Variants in TRDN observed in about 807,000 individuals in gnomAD.
TRDN encodes triadin in skeletal muscle.
A neutral mutation model predicts 149.7 loss-of-function variants in TRDN; 161 were observed. The ratio of observed to expected loss-of-function variants is 1.08; its 90% CI spans 0.95 to 1.23. The LOEUF is 1.23. TRDN is among the 50% of genes most tolerant of loss of function. TRDN has a pLI of 0.00. For synonymous variants in TRDN, 294 were observed against 250.5 expected (o/e 1.17, Z -1.64); for missense variants, 896 against 823.5 (o/e 1.09, Z -1.08).
chr6:123,304,924 A>C (rs1036760299), intron 24 of TRDN, among the ~76,000 whole-genome samples: 2 of 152,180 alleles, frequency 1.3e-5, no homozygotes, highest in African/African-American at 2.4e-5. Context: ...TTTCTTAAGC[A>C]ATTTGGTAAA....
chr6:123,352,697 T>A, intron 20 of TRDN, 111 bp from the exon 21 acceptor site: 1 of 1,379,368 alleles, frequency 7.2e-7, no homozygotes, highest in Non-Finnish European at 9.6e-7. Context: ...TTACACAAGT[T>A]ATTTTGAAGC....
In TRDN at chr6:123,216,757, CTA is replaced by C. The variant is rs1387187104; in HGVS notation, c.*1842_*1843del. The C allele has an allele frequency of 6.6e-6, 1 of 151,832 alleles. No individual in the cohort carries two copies. Among genetic ancestry groups the C allele is most frequent in the Non-Finnish European group, 1.5e-5 (1 of 67,920 alleles). The allele number at this position is 151,832 out of a possible 1,614,324, so 9.4% of individuals were successfully genotyped here. A position where few individuals can be genotyped will look rare whatever the true frequency, so the allele number is the denominator to read the frequency against. Reference sequence around the variant, plus strand: ...TTAGTAAATTTTTCAAGGTCATTCACTATGTCAGAATAGCGCTGGGAATCTAA... The same window carrying C: ...TTAGTAAATTTTTCAAGGTCATTCACTGTCAGAATAGCGCTGGGAATCTAA... On this transcript the variant is annotated 3_prime_UTR_variant, in exon 41 of 41. Transcript: ENST00000334268.
rs113807467 is a variant in TRDN, at chr6:123,456,959, T to A, written c.931+7947A>T. The A allele has an allele frequency of 2.1e-3, 856 of 407,800 alleles. 3 individuals are homozygous for A. The highest frequency in any genetic ancestry group is 0.015 in the African/African-American group (719 of 48,422). The allele number at this position is 407,800 out of a possible 1,614,324, so 25.3% of individuals were successfully genotyped here. On this transcript the variant is annotated intron_variant, in intron 10 of 40. Coordinates refer to ENST00000334268, the MANE Select transcript of TRDN (RefSeq NM_006073.4). ...CAAACAAATGTTTTATAAGGAAAAATTGGTACTTGTAAGCAAGAGCATTGG... is the reference window on the plus strand; with the variant it reads ...CAAACAAATGTTTTATAAGGAAAAAATGGTACTTGTAAGCAAGAGCATTGG...
At chr6:123,465,559 CT>C (rs1311368514) in intron 9 of TRDN, among the ~76,000 whole-genome samples, 2 of 131,464 alleles carry the variant, frequency 1.5e-5, no homozygotes, top group Non-Finnish European at 3.1e-5. Context: ...TCTCAAGTCT[CT>C]GTCTGAGCTT....
intron 1 of TRDN, among the ~76,000 whole-genome samples, chr6:123,620,404 G>T (rs1476399019): frequency 1.3e-5 from 2 of 152,074 alleles, no homozygotes; most frequent in African/African-American, 2.4e-5. Flanking sequence ...TCTGATCTGG[G>T]AGAATAAAAC....
intron 9 of TRDN, among the ~76,000 whole-genome samples, chr6:123,475,684 G>T (rs1175652070): frequency 6.3e-5 from 7 of 111,656 alleles, no homozygotes; most frequent in South Asian, 3.7e-4. Context: ...AACGAATCCA[G>T]CAGCACATCA....
At chr6:123,332,052 CT>C in intron 22 of TRDN, 123 bp from the exon 23 acceptor site, 1 of 664,246 alleles carries the variant, frequency 1.5e-6, no homozygotes, top group Non-Finnish European at 2.4e-6. Flanking sequence ...TTATAATGCA[CT>C]TTAAAAATGG....
chr6:123,548,433 A>T (rs1781223194), intron 3 of TRDN, 21 bp downstream of exon 3: 1 of 1,491,136 alleles, frequency 6.7e-7, no homozygotes, highest in Non-Finnish European at 8.9e-7. Context: ...GCAGTTAGAT[A>T]TATCTCTATG....
intron 38 of TRDN, among the ~76,000 whole-genome samples, chr6:123,246,030 T>G (rs557111674): frequency 6.6e-6 from 1 of 152,292 alleles, no homozygotes; most frequent in African/African-American, 2.4e-5. Context: ...ATGAGTTCTT[T>G]GGCAGCAGTG....
chr6:123,529,032 T>C, intron 5 of TRDN: 1 of 1,377,910 alleles, frequency 7.3e-7, no homozygotes, highest in Non-Finnish European at 9.4e-7. Context: ...ATAAACCTAC[T>C]CTACAGCCCA....
At chr6:123,462,866 A>G (rs1776534986) in intron 10 of TRDN, 2 of 152,196 alleles carry the variant, frequency 1.3e-5, no homozygotes, top group Admixed American at 6.5e-5. Flanking sequence ...CACATCTGCA[A>G]GCCCTGACAA....
intron 5 of TRDN, among the ~76,000 whole-genome samples, chr6:123,523,137 G>T (rs1451657078): frequency 6.6e-6 from 1 of 152,102 alleles, no homozygotes; most frequent in Non-Finnish European, 1.5e-5. Flanking sequence ...GAACAGCAGT[G>T]GGGACTTCTT....
intron 14 of TRDN, 145 bp downstream of exon 14, chr6:123,388,377 A>G (rs1781984173): frequency 4.6e-6 from 4 of 877,868 alleles, no homozygotes; most frequent in East Asian, 5.4e-5. Flanking sequence ...GGTGAAGTAG[A>G]AAAAGCACAT....
chr6:123,595,526 G>A (rs1416361163), intron 1 of TRDN, among the ~76,000 whole-genome samples: 1 of 152,054 alleles, frequency 6.6e-6, no homozygotes, highest in Non-Finnish European at 1.5e-5. Flanking sequence ...CTTTTATTGT[G>A]CTTCACTTTA....
At chr6:123,612,481 G>A (rs1436887362) in intron 1 of TRDN, among the ~76,000 whole-genome samples, 2 of 151,970 alleles carry the variant, frequency 1.3e-5, no homozygotes, top group Admixed American at 6.6e-5. Flanking sequence ...CATGGTGGTG[G>A]CGGGCGCCTG....
chr6:123,468,048 A>C (rs1483242381), intron 9 of TRDN, among the ~76,000 whole-genome samples: 2 of 152,158 alleles, frequency 1.3e-5, no homozygotes, highest in African/African-American at 4.8e-5. Flanking sequence ...TGCATGGCAG[A>C]TACTCAAAAT....
At chr6:123,378,253 A>G (rs1312902503) in intron 16 of TRDN, among the ~76,000 whole-genome samples, 1 of 152,194 alleles carries the variant, frequency 6.6e-6, no homozygotes, top group Non-Finnish European at 1.5e-5. Flanking sequence ...TAGTAAGTAC[A>G]AAAGATAATT....
At chr6:123,585,214 G>A (rs929075804) in intron 1 of TRDN, among the ~76,000 whole-genome samples, 1 of 150,726 alleles carries the variant, frequency 6.6e-6, no homozygotes, top group African/African-American at 2.4e-5. Flanking sequence ...AGATGTAGCT[G>A]TAATCCAGGA....
intron 2 of TRDN, among the ~76,000 whole-genome samples, chr6:123,555,017 A>G (rs1254324636): frequency 6.6e-6 from 1 of 152,146 alleles, no homozygotes; most frequent in Non-Finnish European, 1.5e-5. Flanking sequence ...GTCTTCTGAG[A>G]CTTTGGGTCC....
Sources: gnomAD v4.1 joint callset for allele counts (sites outside exome capture counted in the v4.1 genomes callset) on GRCh38, gnomAD v4.1.1 for gene constraint, MANE v1.5 for transcripts, NCBI Gene and HGNC (gene_info 2026-07-23, HGNC 2026-07-21) for gene names.